RANBP17: variants seen among roughly 807,000 people sequenced by gnomAD.
RANBP17 encodes ran-binding protein 17.
Under a neutral mutation model 141.2 loss-of-function variants are expected in RANBP17, and 158 were observed. The ratio of observed to expected loss-of-function variants is 1.12; its 90% CI spans 0.98 to 1.28. RANBP17 has a LOEUF of 1.28. Ranked by LOEUF, RANBP17 falls within the 50% of genes most tolerant of loss-of-function variation. The pLI is 0.00. For synonymous variants in RANBP17, 430 were observed against 450.0 expected (o/e 0.96, Z 0.56); for missense variants, 1,438 against 1,290.7 (o/e 1.11, Z -1.75).
intron 14 of RANBP17, among the ~76,000 whole-genome samples, chr5:171,045,518 G>A (rs2127641926): frequency 6.6e-6 from 1 of 152,212 alleles, no homozygotes; most frequent in South Asian, 2.1e-4. Context: ...TATTGTGGAT[G>A]TCAAAAACAA....
At chr5:171,078,853 A>G (rs759234528) in intron 14 of RANBP17, among the ~76,000 whole-genome samples, 17 of 152,218 alleles carry the variant, frequency 1.1e-4, no homozygotes, top group Non-Finnish European at 2.2e-4. Flanking sequence ...GGAGATGTAC[A>G]AGAATATTGT....
chr5:171,070,460 T>C (rs1438333629), intron 14 of RANBP17, among the ~76,000 whole-genome samples: 2 of 152,150 alleles, frequency 1.3e-5, no homozygotes, highest in Non-Finnish European at 1.5e-5. Context: ...AAATTAGCTG[T>C]TCTTCATCTT....
chr5:171,010,248 C>G (rs1294560343), intron 14 of RANBP17, among the ~76,000 whole-genome samples: 1 of 152,092 alleles, frequency 6.6e-6, no homozygotes, highest in African/African-American at 2.4e-5. Context: ...TCCCACCCTG[C>G]TAAAATAGAG....
chr5:171,271,155 G>A (rs1221582203), intron 25 of RANBP17: 3 of 112,474 alleles, frequency 2.7e-5, no homozygotes, highest in African/African-American at 3.5e-5. Flanking sequence ...GTGAAGAGCT[G>A]TCAGGAGCTA....
chr5:171,296,110 G>T, intron 27 of RANBP17, 96 bp downstream of exon 27: 2 of 1,253,642 alleles, frequency 1.6e-6, no homozygotes, highest in Non-Finnish European at 2.2e-6. Flanking sequence ...ACACATGGAT[G>T]TCCCTTTTCT....
At chr5:171,252,491 G>T (rs768582375) in intron 24 of RANBP17, 1 of 1,448,336 alleles carries the variant, frequency 6.9e-7, no homozygotes, top group Admixed American at 1.7e-5. Flanking sequence ...ACCCTATGCA[G>T]TGAGTACAAG....
intron 12 of RANBP17, among the ~76,000 whole-genome samples, chr5:170,949,000 T>C (rs760208914): frequency 1.3e-5 from 2 of 151,942 alleles, no homozygotes; most frequent in Non-Finnish European, 2.9e-5. Context: ...ACAAAATATT[T>C]TAAAATTAGG....
At chr5:171,040,680 A>T (rs1256842794) in intron 14 of RANBP17, among the ~76,000 whole-genome samples, 1 of 152,124 alleles carries the variant, frequency 6.6e-6, no homozygotes, top group East Asian at 1.9e-4. Flanking sequence ...ACATGGTAAA[A>T]CTGAGGTAGA....
intron 12 of RANBP17, among the ~76,000 whole-genome samples, chr5:170,940,204 A>G (rs145751141): frequency 6.6e-6 from 1 of 152,182 alleles, no homozygotes; most frequent in Non-Finnish European, 1.5e-5. Context: ...AAAATGTGCT[A>G]TGCAAATATG....
intron 22 of RANBP17, among the ~76,000 whole-genome samples, chr5:171,235,739 C>G (rs1764504509): frequency 6.6e-6 from 1 of 151,908 alleles, no homozygotes; most frequent in South Asian, 2.1e-4. Flanking sequence ...GTAGCTGGGA[C>G]TGATGATGCA....
chr5:171,145,223 C>T (rs1581729328), intron 14 of RANBP17, among the ~76,000 whole-genome samples: 1 of 152,132 alleles, frequency 6.6e-6, no homozygotes, highest in East Asian at 1.9e-4. Flanking sequence ...CTCTCTTTCT[C>T]ATCAAAAGCC....
At chr5:170,883,931 T>G (rs770713015) in intron 3 of RANBP17, among the ~76,000 whole-genome samples, 3 of 152,236 alleles carry the variant, frequency 2.0e-5, no homozygotes, top group Non-Finnish European at 2.9e-5. Context: ...TGGGTTTTTG[T>G]GTGCCCAAAC....
rs375818840 is a variant in RANBP17, at chr5:170,912,491, T to C, written c.760+1357T>C. 4.1e-4 allele frequency among the ~76,000 whole-genome samples: 63 copies of C among 152,002 alleles called. 1 individual carries two copies. The South Asian group carries it at 0.013, about 31-fold the overall frequency. ...AATAGCAACAGAGACAAGGTGAAAG[T>C]AGAAATAAACTTCAGAAAGATATAA... On this transcript the variant is annotated intron_variant, in intron 7 of 27. Coordinates refer to ENST00000523189, the MANE Select transcript of RANBP17 (RefSeq NM_022897.5).
In RANBP17 at chr5:171,238,435, A is replaced by G. The variant is rs181020558; in HGVS notation, c.2423-2493A>G. ...AGTCCTTTACAGATTTTTTTTCCCA[A>G]TCAGGCAGTTCTTGGCCTGCCTATT... On this transcript the variant is annotated intron_variant, in intron 22 of 27. Coordinates refer to ENST00000523189, the MANE Select transcript of RANBP17 (RefSeq NM_022897.5). 1.7e-4 allele frequency among the ~76,000 whole-genome samples: 26 copies of G among 152,260 alleles called. No homozygotes were observed. The East Asian group carries it at 2.9e-3, about 17-fold the overall frequency.
intron 1 of RANBP17, among the ~76,000 whole-genome samples, chr5:170,872,692 C>G (rs1767849890): frequency 6.6e-6 from 1 of 152,058 alleles, no homozygotes; most frequent in Non-Finnish European, 1.5e-5. Flanking sequence ...CCATCAATAC[C>G]TAGTTTATTA....
intron 14 of RANBP17, among the ~76,000 whole-genome samples, chr5:171,110,456 C>T (rs548149655): frequency 1.3e-4 from 20 of 152,180 alleles, no homozygotes; most frequent in African/African-American, 4.6e-4. Context: ...GCCCTTTAGC[C>T]GTCATATCTA....
chr5:171,252,490 A>G, intron 24 of RANBP17: 1 of 1,447,888 alleles, frequency 6.9e-7, no homozygotes, highest in Non-Finnish European at 9.7e-7. Flanking sequence ...AACCCTATGC[A>G]GTGAGTACAA....
At chr5:170,979,238 G>T (rs1777599112) in intron 14 of RANBP17, among the ~76,000 whole-genome samples, 1 of 152,274 alleles carries the variant, frequency 6.6e-6, no homozygotes, top group African/African-American at 2.4e-5. Flanking sequence ...AACCATATCT[G>T]TAATATTTTC....
chr5:171,000,611 A>C (rs1779134260), intron 14 of RANBP17, among the ~76,000 whole-genome samples: 1 of 152,154 alleles, frequency 6.6e-6, no homozygotes, highest in Non-Finnish European at 1.5e-5. Context: ...ACCACCAAAC[A>C]GCCTTTGTGT....
Sources: allele counts gnomAD v4.1 joint callset (sites outside exome capture counted in the v4.1 genomes callset), GRCh38; gene constraint gnomAD v4.1.1; transcripts MANE v1.5; gene names NCBI Gene and HGNC (gene_info 2026-07-23, HGNC 2026-07-21).